Variants in ZNF407 observed in about 807,000 individuals in gnomAD.
ZNF407 encodes zinc finger protein 407.
Under a neutral mutation model 131.2 loss-of-function variants are expected in ZNF407, and 17 were observed. That is an observed-to-expected ratio of 0.13 (90% CI 0.09 to 0.19). ZNF407 has a LOEUF of 0.19. Among genes scored for constraint, ZNF407 ranks in the 10% least tolerant of loss-of-function variants. The pLI is 1.00. For synonymous variants in ZNF407, 1,156 were observed against 1,062.0 expected (o/e 1.09, Z -1.72); for missense variants, 2,681 against 2,830.6 (o/e 0.95, Z 1.20).
intron 1 of ZNF407, among the ~76,000 whole-genome samples, chr18:74,602,032 G>A (rs1982606749): frequency 6.6e-6 from 1 of 152,098 alleles, no homozygotes; most frequent in South Asian, 2.1e-4. Flanking sequence ...TATATTTTTT[G>A]TAGTGGAAAG....
intron 3 of ZNF407, among the ~76,000 whole-genome samples, chr18:74,739,635 G>A (rs770882189): frequency 2.0e-5 from 3 of 151,868 alleles, no homozygotes; most frequent in African/African-American, 4.8e-5. Context: ...ATGATTATAA[G>A]CAAACGTATA....
chr18:75,002,992 G>A (rs772781279), intron 8 of ZNF407, among the ~76,000 whole-genome samples: 1 of 152,096 alleles, frequency 6.6e-6, no homozygotes, highest in Non-Finnish European at 1.5e-5. Context: ...GTCTGCCTTA[G>A]CATCCATATC....
chr18:74,799,921 T>TTA (rs1204976308), intron 4 of ZNF407, among the ~76,000 whole-genome samples: 1 of 150,210 alleles, frequency 6.7e-6, no homozygotes, highest in African/African-American at 2.4e-5. Flanking sequence ...TTTTTTTTTT[T>TTA]AACCATTTTA....
At chr18:74,706,427 A>G (rs945077200) in intron 3 of ZNF407, among the ~76,000 whole-genome samples, 3 of 152,198 alleles carry the variant, frequency 2.0e-5, no homozygotes, top group African/African-American at 7.2e-5. Flanking sequence ...GGGATGATCC[A>G]TGTTACCTGG....
rs78954512 is a variant in ZNF407, at chr18:74,605,882, C to A, written c.-54+7945C>A. Among the ~76,000 whole-genome samples the A allele has an allele frequency of 1.6e-4, 24 of 152,336 alleles. No individual in the cohort carries two copies. The East Asian group carries it at 4.6e-3, about 29-fold the overall frequency. The stretch of plus-strand genomic sequence containing the variant: ...GTGTGTTAGTGTTGGACTAGTGTGA[C>A]AAGCAAGGAGATTCTAGTTCCTGGA... On this transcript the variant is annotated intron_variant, in intron 1 of 8. Coordinates refer to ENST00000299687, the MANE Select transcript of ZNF407 (RefSeq NM_017757.3).
At chr18:75,010,176 C>T (rs7234127) in intron 8 of ZNF407, among the ~76,000 whole-genome samples, 113,462 of 152,082 alleles carry the variant, frequency 0.75, 43,439 homozygotes, top group Non-Finnish European at 0.83. Context: ...AAAGGACAAC[C>T]GTGATCTGAC....
chr18:74,688,561 T>C, intron 3 of ZNF407, among the ~76,000 whole-genome samples: 1 of 152,194 alleles, frequency 6.6e-6, no homozygotes, highest in East Asian at 1.9e-4. Flanking sequence ...CAGTTTTGTT[T>C]TATGGTTTGT....
At chr18:74,738,348 A>T (rs1568190842) in intron 3 of ZNF407, among the ~76,000 whole-genome samples, 2 of 138,648 alleles carry the variant, frequency 1.4e-5, no homozygotes, top group African/African-American at 5.5e-5. Flanking sequence ...TGAACCCGGG[A>T]GGCGGAGGCT....
intron 3 of ZNF407, among the ~76,000 whole-genome samples, chr18:74,716,143 C>T (rs1043129113): frequency 6.6e-6 from 1 of 152,172 alleles, no homozygotes; most frequent in Non-Finnish European, 1.5e-5. Context: ...GCCCTTTTGG[C>T]AGGTTTTTAA....
intron 2 of ZNF407, among the ~76,000 whole-genome samples, chr18:74,638,575 A>G (rs1041183695): frequency 2.6e-5 from 4 of 152,214 alleles, no homozygotes; most frequent in African/African-American, 9.6e-5. Context: ...GAGCCCTCGT[A>G]GGCCTGAGTG....
Position 74,816,909 on chromosome 18 carries a change from C to G in ZNF407, c.4877+35407C>G, listed in dbSNP as rs993346397. Among the ~76,000 whole-genome samples, 47 of 151,832 alleles carry G rather than the reference C, an allele frequency of 3.1e-4. 1 individual carries two copies. Among genetic ancestry groups the G allele is most frequent in the African/African-American group, 1.1e-3 (46 of 41,396 alleles). On this transcript the variant is annotated intron_variant, in intron 4 of 8. Transcript: ENST00000299687. ...TCCATTGCATTTCTTTTCCTTTTGT[C>G]TGTTAAAATTGCTAAGGATCTCATT... is the stretch of plus-strand genomic sequence containing the variant.
At position 75,064,205 on chromosome 18, in the gene ZNF407, G is replaced by A. The variant is rs377521754; in HGVS notation, c.6484G>A (p.Gly2162Ser). ...VQAMVQESSG[G>S]FSEGTTHYIL... ...GGCCATGGTGCAGGAGTCCAGTGGC[G>A]GCTTCTCCGAGGGCACCACGCACTA... Residue 2162 changes from glycine to serine, a missense_variant, in exon 9 of 9, where the codon GGC becomes AGC. Transcript: ENST00000299687. 1.5e-5 allele frequency: 24 copies of A among 1,605,338 alleles called. No homozygotes were observed. In the South Asian group the frequency reaches 1.7e-4, roughly 11 times the overall value.
At chr18:75,039,767 T>G (rs1486659498) in intron 8 of ZNF407, among the ~76,000 whole-genome samples, 1 of 150,198 alleles carries the variant, frequency 6.7e-6, no homozygotes, top group Non-Finnish European at 1.5e-5. Flanking sequence ...TCCTGACAAT[T>G]TATTTCAGGC....
chr18:75,028,535 A>C (rs1461932039), intron 8 of ZNF407, among the ~76,000 whole-genome samples: 1 of 152,200 alleles, frequency 6.6e-6, no homozygotes, highest in Non-Finnish European at 1.5e-5. Flanking sequence ...ATTTGAGGGG[A>C]CACATTTCAG....
chr18:74,933,964 G>T (rs903345867), intron 8 of ZNF407, among the ~76,000 whole-genome samples: 2 of 151,612 alleles, frequency 1.3e-5, no homozygotes, highest in Non-Finnish European at 2.9e-5. Flanking sequence ...ATTTATCCTC[G>T]TAATCACTTA....
chr18:74,957,372 G>A (rs368072846), intron 8 of ZNF407, among the ~76,000 whole-genome samples: 3 of 152,040 alleles, frequency 2.0e-5, no homozygotes, highest in African/African-American at 7.2e-5. Context: ...TATTTGGGAG[G>A]TGTTGCATTT....
chr18:74,605,235 A>T (rs1208886330), intron 1 of ZNF407, among the ~76,000 whole-genome samples: 2 of 149,662 alleles, frequency 1.3e-5, no homozygotes, highest in African/African-American at 4.9e-5. Context: ...CTACTTAGTG[A>T]GGTCTCCAGT....
chr18:74,636,713 A>G (rs996486178), intron 2 of ZNF407, among the ~76,000 whole-genome samples: 1 of 152,206 alleles, frequency 6.6e-6, no homozygotes. Flanking sequence ...TTAAAGATAG[A>G]TAAAAGTTTT....
chr18:74,763,613 T>C (rs1476135493), intron 3 of ZNF407, among the ~76,000 whole-genome samples: 1 of 151,904 alleles, frequency 6.6e-6, no homozygotes, highest in Non-Finnish European at 1.5e-5. Context: ...TACAAGTGTG[T>C]AAGGTATAAA....
Sources: gnomAD v4.1 joint callset for allele counts (sites outside exome capture counted in the v4.1 genomes callset) on GRCh38, gnomAD v4.1.1 for gene constraint, MANE v1.5 for transcripts, NCBI Gene and HGNC (gene_info 2026-07-23, HGNC 2026-07-21) for gene names.